Variants in DAPK1 observed in about 807,000 individuals in gnomAD.
DAPK1 encodes the protein death-associated protein kinase 1.
A neutral mutation model predicts 144.9 loss-of-function variants in DAPK1; 56 were observed. The ratio of observed to expected loss-of-function variants is 0.39; its 90% CI spans 0.31 to 0.48. The LOEUF (loss-of-function observed/expected upper bound fraction) is 0.48. Ranked by LOEUF, DAPK1 falls within the 20% of genes least tolerant of loss-of-function variation. The pLI, the probability that DAPK1 is intolerant of heterozygous loss-of-function variation, is 0.95. For synonymous variants in DAPK1, 690 were observed against 749.0 expected, an observed-to-expected ratio of 0.92 and a Z score of 1.29; for missense variants, 1,454 against 1,875.4, an observed-to-expected ratio of 0.78 and a Z score of 4.15.
At chr9:87,592,604 G>T (rs571670498) in intron 2 of DAPK1, among the ~76,000 whole-genome samples, 1 of 152,082 alleles carries the variant, frequency 6.6e-6, no homozygotes, top group Non-Finnish European at 1.5e-5. Context: ...GAGAGTTAAC[G>T]CCATCAGTCT....
chr9:87,699,311 A>T (rs1019679621), intron 23 of DAPK1, among the ~76,000 whole-genome samples: 3 of 152,188 alleles, frequency 2.0e-5, no homozygotes, highest in African/African-American at 7.2e-5. Context: ...AGATTTCAGT[A>T]CTCAGTATTC....
chr9:87,607,235 G>C (rs117117912), intron 3 of DAPK1, among the ~76,000 whole-genome samples: 1 of 152,078 alleles, frequency 6.6e-6, no homozygotes, highest in Non-Finnish European at 1.5e-5. Context: ...TGGGGGCTGG[G>C]GAACCAGACA....
At chr9:87,647,478 G>A (rs2274607) in intron 14 of DAPK1, 75 bp downstream of exon 14, 191,024 of 1,230,844 alleles carry the variant, frequency 0.16, 16,666 homozygotes, top group African/African-American at 0.35. Context: ...CTGGCCTACC[G>A]TGTGCATCGG....
intron 15 of DAPK1, among the ~76,000 whole-genome samples, chr9:87,649,714 A>T (rs1237371687): frequency 6.6e-6 from 1 of 152,138 alleles, no homozygotes; most frequent in Non-Finnish European, 1.5e-5. Context: ...TGAAAGAGAG[A>T]CATCAGATCT....
rs183559282 is a variant in DAPK1, at chr9:87,523,837, A to G, written c.62+24698A>G. 6.1e-3 allele frequency among the ~76,000 whole-genome samples: 772 copies of G among 127,050 alleles called. 4 individuals are homozygous for G. The highest frequency in any genetic ancestry group is 7.7e-3 in the Non-Finnish European group (452 of 58,532). 83.3% of individuals were successfully genotyped at this position (127,050 alleles called of 152,430 possible). A position where few individuals can be genotyped will look rare whatever the true frequency, so the allele number is the denominator to read the frequency against. ...CCTGCACTGTTGGTAGCTGTAGGGAATCAGCAAAGCTGCTGTTTCCAGGAG... is the reference window on the plus strand; with the variant it reads ...CCTGCACTGTTGGTAGCTGTAGGGAGTCAGCAAAGCTGCTGTTTCCAGGAG... On this transcript the variant is annotated intron_variant, in intron 2 of 25. Coordinates refer to ENST00000408954, the MANE Select transcript of DAPK1 (RefSeq NM_004938.4).
intron 18 of DAPK1, among the ~76,000 whole-genome samples, chr9:87,667,458 A>G (rs111705950): frequency 1.3e-5 from 2 of 152,328 alleles, no homozygotes; most frequent in African/African-American, 2.4e-5. Flanking sequence ...TGTAGAAACC[A>G]GAGATGCTAC....
intron 24 of DAPK1, among the ~76,000 whole-genome samples, chr9:87,701,274 A>G (rs767398930): frequency 5.3e-5 from 8 of 152,232 alleles, no homozygotes; most frequent in South Asian, 2.1e-4. Context: ...TACACCCTAC[A>G]AAGTCCAAAA....
chr9:87,668,213 A>C (rs1831126020), intron 18 of DAPK1, among the ~76,000 whole-genome samples: 1 of 152,224 alleles, frequency 6.6e-6, no homozygotes. Context: ...AGTAGCTTGC[A>C]CTAACTAGAA....
intron 2 of DAPK1, among the ~76,000 whole-genome samples, chr9:87,544,441 A>G (rs10780856): frequency 0.23 from 35,550 of 152,204 alleles, 5,126 homozygotes; most frequent in Middle Eastern, 0.38. Context: ...TGAAGAATAT[A>G]TAGTACATGA....
intron 19 of DAPK1, among the ~76,000 whole-genome samples, chr9:87,679,270 G>T (rs112939038): frequency 6.6e-6 from 1 of 152,106 alleles, no homozygotes; most frequent in Non-Finnish European, 1.5e-5. Flanking sequence ...CACACATGGT[G>T]GGAAGAAGCA....
chr9:87,623,985 G>A lies in DAPK1; in HGVS notation c.285-13958G>A, dbSNP rs36209082. On this transcript the variant is annotated intron_variant, in intron 3 of 25. Transcript: ENST00000408954. ...ATATGCCGGGTGTATTATATACATC[G>A]TGTCATTTAATCCTCACAAAAGCTC... Among the ~76,000 whole-genome samples the A allele has an allele frequency of 4.9e-3, 744 of 152,222 alleles. 14 individuals carry two copies. Among genetic ancestry groups the A allele is most frequent in the Admixed American group, 0.035 (528 of 15,290 alleles).
intron 19 of DAPK1, 80 bp from the exon 20 acceptor site, chr9:87,681,324 A>C: frequency 1.3e-6 from 1 of 792,356 alleles, no homozygotes; most frequent in Non-Finnish European, 2.2e-6. Flanking sequence ...TAAAAACTGC[A>C]CACCGGGGAT....
At chr9:87,639,260 C>CTT (rs112724520) in intron 4 of DAPK1, 94 bp from the exon 5 acceptor site, 1,216 of 979,614 alleles carry the variant, frequency 1.2e-3, no homozygotes, top group South Asian at 2.7e-3. Context: ...ACTTTTTGGC[C>CTT]TTTTTTTTTT....
At chr9:87,568,003 G>T (rs1292322259) in intron 2 of DAPK1, among the ~76,000 whole-genome samples, 1 of 152,256 alleles carries the variant, frequency 6.6e-6, no homozygotes, top group Non-Finnish European at 1.5e-5. Context: ...GACGGTCCAA[G>T]GTCTCATGGC....
chr9:87,521,727 C>T (rs1825305293), intron 2 of DAPK1, among the ~76,000 whole-genome samples: 1 of 152,214 alleles, frequency 6.6e-6, no homozygotes, highest in South Asian at 2.1e-4. Flanking sequence ...ACCTTCTTAT[C>T]TAGCAGTTTG....
intron 2 of DAPK1, among the ~76,000 whole-genome samples, chr9:87,571,438 C>A (rs971234527): frequency 2.1e-4 from 4 of 19,276 alleles, no homozygotes; most frequent in Non-Finnish European, 3.5e-4. Flanking sequence ...CACCCCCCAA[C>A]ACACACACAC....
intron 2 of DAPK1, among the ~76,000 whole-genome samples, chr9:87,528,933 A>G (rs903559138): frequency 3.3e-5 from 5 of 151,776 alleles, no homozygotes; most frequent in African/African-American, 7.3e-5. Flanking sequence ...CTGCCGCACT[A>G]TATACCCTGG....
At chr9:87,663,212 A>G (rs936746660) in intron 18 of DAPK1, among the ~76,000 whole-genome samples, 2 of 152,140 alleles carry the variant, frequency 1.3e-5, no homozygotes, top group East Asian at 3.9e-4. Context: ...AACCCTCAGC[A>G]GAGTCCCCAC....
At chr9:87,642,118 G>C in intron 10 of DAPK1, 60 bp downstream of exon 10, 1 of 1,394,372 alleles carries the variant, frequency 7.2e-7, no homozygotes, top group South Asian at 1.2e-5. Flanking sequence ...AGTAGTGTGT[G>C]GTCAGGGTGC....
Sources: gnomAD v4.1 joint callset for allele counts (sites outside exome capture counted in the v4.1 genomes callset) on GRCh38, gnomAD v4.1.1 for gene constraint, MANE v1.5 for transcripts, NCBI Gene and HGNC (gene_info 2026-07-23, HGNC 2026-07-21) for gene names.